The following GOLT1B variants were observed in gnomAD, a reference collection of about 807,000 sequenced individuals.
GOLT1B encodes golgi transport 1B, also known as vesicle transport protein GOT1B.
A neutral mutation model predicts 15.4 loss-of-function variants in GOLT1B; 3 were observed. The observed-to-expected ratio is 0.19, with a 90% confidence interval of 0.09 to 0.50. GOLT1B has a LOEUF of 0.50. Ranked by LOEUF, GOLT1B falls within the 20% of genes least tolerant of loss-of-function variation. The pLI, the probability that GOLT1B is intolerant of heterozygous loss-of-function variation, is 0.97. For synonymous variants in GOLT1B, 65 were observed against 56.2 expected (o/e 1.16, Z -0.70); for missense variants, 145 against 160.4 (o/e 0.90, Z 0.52).
intron 1 of GOLT1B, 57 bp downstream of exon 1, chr12:21,502,005 G>C (rs1480291835): frequency 6.1e-6 from 8 of 1,300,980 alleles, no homozygotes; most frequent in African/African-American, 2.9e-5. Context: ...CGCCCGGCTG[G>C]GTCTCGCCCC....
At chr12:21,505,512 AGAC>A (rs1274994397) in intron 1 of GOLT1B, among the ~76,000 whole-genome samples, 1 of 152,232 alleles carries the variant, frequency 6.6e-6, no homozygotes, top group East Asian at 1.9e-4. Flanking sequence ...GTGTATTTAT[AGAC>A]CAGGTACCTG....
At chr12:21,508,997 G>A (rs1045450148) in intron 3 of GOLT1B, among the ~76,000 whole-genome samples, 2 of 152,074 alleles carry the variant, frequency 1.3e-5, no homozygotes, top group African/African-American at 2.4e-5. Flanking sequence ...GCACATATAC[G>A]TATTAGAAGA....
At chr12:21,507,041 A>C in intron 2 of GOLT1B, 65 bp downstream of exon 2, 1 of 706,566 alleles carries the variant, frequency 1.4e-6, no homozygotes, top group Non-Finnish European at 2.5e-6. Flanking sequence ...ATGAATTATT[A>C]TCTGCTATTA....
rs1180924444 is a variant in GOLT1B, at chr12:21,506,866, C to CATAT, written c.26-17_26-14dup. 9.5e-7 allele frequency: 1 copy of CATAT among 1,057,868 alleles called. No homozygotes were observed. Among genetic ancestry groups the CATAT allele is most frequent in the Admixed American group, 1.8e-5 (1 of 55,476 alleles). 65.5% of individuals were successfully genotyped at this position (1,057,868 alleles called of 1,614,324 possible). A position where few individuals can be genotyped will look rare whatever the true frequency, so the allele number is the denominator to read the frequency against. On this transcript the variant is annotated intron_variant, in intron 1 of 4. Transcript: ENST00000229314. ...ACTTTAATTTTTCTCTACCCTTAACCATATACCTTATATTGCAGAAATTGG... is the reference window on the plus strand; with the variant it reads ...ACTTTAATTTTTCTCTACCCTTAACCATATATATACCTTATATTGCAGAAATTGG...
chr12:21,512,262 A>G (rs761695435), intron 3 of GOLT1B, 33 bp from the exon 4 acceptor site: 2 of 1,034,890 alleles, frequency 1.9e-6, no homozygotes, highest in Admixed American at 2.0e-5. Context: ...GAAAATGTGT[A>G]AATATTAAGA....
At chr12:21,509,016 C>T (rs1231304598) in intron 3 of GOLT1B, among the ~76,000 whole-genome samples, 3 of 152,042 alleles carry the variant, frequency 2.0e-5, no homozygotes, top group Non-Finnish European at 2.9e-5. Flanking sequence ...GATTGTTTAC[C>T]AAATACACTA....
chr12:21,514,965 CAGTCT>C (rs1943745594), intron 4 of GOLT1B, among the ~76,000 whole-genome samples: 1 of 149,136 alleles, frequency 6.7e-6, no homozygotes, highest in Non-Finnish European at 1.5e-5. Context: ...TATACAATAT[CAGTCT>C]TTACATCACC....
intron 3 of GOLT1B, among the ~76,000 whole-genome samples, chr12:21,509,307 G>T (rs1943702145): frequency 6.9e-6 from 1 of 144,562 alleles, no homozygotes; most frequent in Non-Finnish European, 1.5e-5. Context: ...GCTGAGGCAG[G>T]CGAATTGTTT....
At position 21,515,737 on chromosome 12, in the gene GOLT1B, A is replaced by G. The variant is rs143119971; in HGVS notation, c.*30A>G. 2.7e-5 allele frequency: 26 copies of G among 959,030 alleles called. No homozygotes were observed. In the East Asian group the frequency reaches 6.1e-4, roughly 22 times the overall value. The allele number at this position is 959,030 out of a possible 1,614,324, so 59.4% of individuals were successfully genotyped here. On this transcript the variant is annotated 3_prime_UTR_variant, in exon 5 of 5. Coordinates refer to ENST00000229314, the MANE Select transcript of GOLT1B (RefSeq NM_016072.5). ...AAGTGAATTTGAAGACTCATTTAAA[A>G]TATTGTGTTATTTATAAAGTCATTT...
chr12:21,509,396 C>CAAAAAAAA lies in GOLT1B; in HGVS notation c.296+856_296+863dup, dbSNP rs71053318. On this transcript the variant is annotated intron_variant, in intron 3 of 4. Transcript: ENST00000229314. ...TAGGCAATAGAGCGAGACTCTGTCT[C>CAAAAAAAA]AAAAAAAAAAAAAAAAAAAAAAAAA... Among the ~76,000 whole-genome samples, 8 of 74,036 alleles carry CAAAAAAAA rather than the reference C, an allele frequency of 1.1e-4. 1 individual carries two copies. Among genetic ancestry groups the CAAAAAAAA allele is most frequent in the African/African-American group, 4.4e-4 (8 of 18,004 alleles). The allele number at this position is 74,036 out of a possible 152,430, so 48.6% of individuals were successfully genotyped here.
intron 3 of GOLT1B, among the ~76,000 whole-genome samples, chr12:21,508,919 A>AGATC (rs59696892): frequency 0.34 from 51,703 of 151,196 alleles, 10,109 homozygotes; most frequent in South Asian, 0.44. Context: ...ATAGATAGAT[A>AGATC]GATCCAGCAT....
At chr12:21,508,136 CT>C in intron 2 of GOLT1B, 1 of 461,208 alleles carries the variant, frequency 2.2e-6, no homozygotes, top group Non-Finnish European at 3.9e-6. Flanking sequence ...CTTTGTTTCT[CT>C]TTTTCTCCAT....
intron 1 of GOLT1B, among the ~76,000 whole-genome samples, chr12:21,504,031 G>T (rs1384110279): frequency 6.6e-6 from 1 of 152,160 alleles, no homozygotes; most frequent in African/African-American, 2.4e-5. Context: ...TTTTCAAAGG[G>T]TATGGTAAGA....
At position 21,515,820 on chromosome 12, in the gene GOLT1B, G is replaced by A; in HGVS notation, c.*113G>A. ...AAATAGCTTGTAATGTTCTTTACAG[G>A]AGTTTAAAACGTATAGCCTACAAAG... On this transcript the variant is annotated 3_prime_UTR_variant, in exon 5 of 5. Transcript: ENST00000229314. 2 of 625,312 alleles carry A rather than the reference G, an allele frequency of 3.2e-6. No individual in the cohort carries two copies. The highest frequency in any genetic ancestry group is 5.6e-6 in the Non-Finnish European group (2 of 358,242). The allele number at this position is 625,312 out of a possible 1,614,324, so 38.7% of individuals were successfully genotyped here.
chr12:21,510,388 T>C (rs12582514), intron 3 of GOLT1B, among the ~76,000 whole-genome samples: 71,721 of 151,916 alleles, frequency 0.47, 17,935 homozygotes, highest in East Asian at 0.67. Flanking sequence ...TATGTGGGGG[T>C]TTTAGTAATG....
Position 21,513,472 on chromosome 12 carries a change from T to C in GOLT1B, c.378+1096T>C, listed in dbSNP as rs1303545852. Among the ~76,000 whole-genome samples, 11 of 152,248 alleles carry C rather than the reference T, an allele frequency of 7.2e-5. No individual in the cohort carries two copies. The East Asian group carries it at 2.1e-3, about 30-fold the overall frequency. On this transcript the variant is annotated intron_variant, in intron 4 of 4. Coordinates refer to ENST00000229314, the MANE Select transcript of GOLT1B (RefSeq NM_016072.5). The stretch of plus-strand genomic sequence containing the variant: ...CTTCTATAACATTCCTGTGCACAAC[T>C]CTATCATAGCATTTACCTCTGTTTT...
chr12:21,512,237 A>G, intron 3 of GOLT1B, 58 bp from the exon 4 acceptor site: 1 of 868,316 alleles, frequency 1.2e-6, no homozygotes. Flanking sequence ...TTGGTTAGCA[A>G]TTATTTTGAA....
At chr12:21,512,023 T>C (rs1205680044) in intron 3 of GOLT1B, among the ~76,000 whole-genome samples, 1 of 152,206 alleles carries the variant, frequency 6.6e-6, no homozygotes, top group African/African-American at 2.4e-5. Flanking sequence ...CCCTTTCTTT[T>C]TATCAGTTTC....
chr12:21,515,192 G>T (rs1217527529), intron 4 of GOLT1B: 3 of 1,011,366 alleles, frequency 3.0e-6, no homozygotes, highest in African/African-American at 1.6e-5. Context: ...GTCAATAACT[G>T]TTGTTAACTA....
Sources: allele counts gnomAD v4.1 joint callset (sites outside exome capture counted in the v4.1 genomes callset), GRCh38; gene constraint gnomAD v4.1.1; transcripts MANE v1.5; gene names NCBI Gene and HGNC (gene_info 2026-07-23, HGNC 2026-07-21).